UNC5B: variants seen among roughly 807,000 people sequenced by gnomAD.
The protein encoded by UNC5B is netrin receptor UNC5B.
Under a neutral mutation model 103.7 loss-of-function variants are expected in UNC5B, and 56 were observed. That is an observed-to-expected ratio of 0.54 (90% CI 0.44 to 0.67). The LOEUF is 0.67. Ranked by LOEUF, UNC5B falls within the 30% of genes least tolerant of loss-of-function variation. UNC5B has a pLI of 0.00. For synonymous variants in UNC5B, 577 were observed against 542.0 expected (o/e 1.06, Z -0.90); for missense variants, 1,194 against 1,284.5 (o/e 0.93, Z 1.08).
chr10:71,252,667 A>C (rs937965606), intron 1 of UNC5B, among the ~76,000 whole-genome samples: 16 of 152,282 alleles, frequency 1.1e-4, no homozygotes, highest in Non-Finnish European at 1.9e-4. Context: ...CATTTCTCCC[A>C]TCTTATTGTG....
chr10:71,253,981 A>G (rs898617664), intron 1 of UNC5B, among the ~76,000 whole-genome samples: 4 of 152,122 alleles, frequency 2.6e-5, no homozygotes, highest in Non-Finnish European at 5.9e-5. Flanking sequence ...ACCTTTAGCC[A>G]GGTCCACGCT....
intron 1 of UNC5B, among the ~76,000 whole-genome samples, chr10:71,224,883 G>A (rs1843529368): frequency 6.6e-6 from 1 of 152,184 alleles, no homozygotes; most frequent in Non-Finnish European, 1.5e-5. Flanking sequence ...TAGACATAAG[G>A]TACAGTAGGG....
rs765100068 is a variant in UNC5B, at chr10:71,296,654, T to C, written c.2402T>C (p.Leu801Ser). The part of the protein sequence containing the change: ...HCTFTLERHS[L>S]ASTELTCKIC... ...ACTTTCACCCTGGAGAGGCACAGCT[T>C]GGCCTCCACAGAGCTCACCTGCAAG... The change falls in exon 15 of 17, where the codon TTG becomes TCG. Residue 801 changes from leucine to serine, a missense_variant. Coordinates refer to ENST00000335350, the MANE Select transcript of UNC5B (RefSeq NM_170744.5). The C allele has an allele frequency of 3.3e-5, 54 of 1,613,948 alleles. No individual in the cohort carries two copies. In the Admixed American group the frequency reaches 9.0e-4, roughly 27 times the overall value.
chr10:71,245,047 C>T (rs1161954491), intron 1 of UNC5B, among the ~76,000 whole-genome samples: 1 of 152,244 alleles, frequency 6.6e-6, no homozygotes, highest in African/African-American at 2.4e-5. Flanking sequence ...CTCGTTCCCA[C>T]GAGGAATCAG....
chr10:71,264,508 G>A (rs985189037), intron 1 of UNC5B, among the ~76,000 whole-genome samples: 3 of 152,334 alleles, frequency 2.0e-5, no homozygotes, highest in Middle Eastern at 3.4e-3. Context: ...CTCAGATAGC[G>A]AAAGCCTGGC....
At chr10:71,247,443 G>A (rs1048746590) in intron 1 of UNC5B, among the ~76,000 whole-genome samples, 20 of 152,216 alleles carry the variant, frequency 1.3e-4, no homozygotes, top group African/African-American at 3.9e-4. Context: ...GCTAACATGC[G>A]GAGAGGAGAG....
intron 1 of UNC5B, among the ~76,000 whole-genome samples, chr10:71,242,208 GC>G (rs1444189066): frequency 1.3e-5 from 2 of 152,084 alleles, no homozygotes; most frequent in East Asian, 3.9e-4. Context: ...GTCGGCCGTG[GC>G]CCAGACCCTG....
At chr10:71,272,445 C>T (rs1048438775) in intron 1 of UNC5B, among the ~76,000 whole-genome samples, 3 of 152,184 alleles carry the variant, frequency 2.0e-5, no homozygotes, top group Non-Finnish European at 4.4e-5. Flanking sequence ...ACCACAGCAG[C>T]CTCCCTCTGA....
intron 1 of UNC5B, among the ~76,000 whole-genome samples, chr10:71,222,716 T>A (rs1490117807): frequency 6.6e-6 from 1 of 152,192 alleles, no homozygotes; most frequent in Admixed American, 6.5e-5. Context: ...CACCTGGGCC[T>A]GCCCTGACCC....
At chr10:71,265,691 C>G (rs1844507980) in intron 1 of UNC5B, among the ~76,000 whole-genome samples, 1 of 152,204 alleles carries the variant, frequency 6.6e-6, no homozygotes, top group Admixed American at 6.5e-5. Flanking sequence ...GTGCGCTCCT[C>G]TTCCTCCCTA....
Position 71,213,190 on chromosome 10 carries a change from G to T in UNC5B, c.79+126G>T. ...AAAAGCGGCAAGGGCGCCCAAGTTA[G>T]AATGTAGATTTTACTGCCTCCCAAA... On this transcript the variant is annotated intron_variant, in intron 1 of 16. Transcript: ENST00000335350. The surrounding 1 kb of genome is among the most constrained non-coding windows in gnomAD (Gnocchi z 4.1). 1 of 769,410 alleles carries T rather than the reference G, an allele frequency of 1.3e-6. No homozygotes were observed. Among genetic ancestry groups the T allele is most frequent in the South Asian group, 6.4e-5 (1 of 15,612 alleles). 47.7% of individuals were successfully genotyped at this position (769,410 alleles called of 1,614,324 possible).
rs367903856 is a variant in UNC5B, at chr10:71,295,808, C to T, written c.2176-3C>T. 26 of 1,611,744 alleles carry T rather than the reference C, an allele frequency of 1.6e-5. No individual in the cohort carries two copies. Among genetic ancestry groups the T allele is most frequent in the East Asian group, 1.6e-4 (7 of 44,844 alleles). On this transcript the variant is annotated splice_polypyrimidine_tract_variant and splice_region_variant and intron_variant, in intron 13 of 16. Coordinates refer to ENST00000335350, the MANE Select transcript of UNC5B (RefSeq NM_170744.5). ...TCCCCTTCCCCATGCCCCTGGCCCA[C>T]AGGAGGTGCTGGAGCTGGAGCGGAC...
intron 1 of UNC5B, among the ~76,000 whole-genome samples, chr10:71,222,731 G>A (rs561987824): frequency 9.9e-4 from 151 of 152,328 alleles, no homozygotes; most frequent in African/African-American, 3.5e-3. Context: ...TGACCCAGGA[G>A]GCATCCCCAG....
Position 71,262,403 on chromosome 10 carries a change from T to TG in UNC5B, c.80-17411dup, listed in dbSNP as rs1173832885. On this transcript the variant is annotated intron_variant, in intron 1 of 16. Transcript: ENST00000335350. ...GGGGGATGGGGCAGGGCCAGGATTG[T>TG]GGGGGGGCTGTCCTGGGCTCCTCAT... is the stretch of plus-strand genomic sequence containing the variant. Among the ~76,000 whole-genome samples, 14 of 137,970 alleles carry TG rather than the reference T, an allele frequency of 1.0e-4. No individual in the cohort carries two copies. The South Asian group carries it at 3.0e-3, about 30-fold the overall frequency. The allele number at this position is 137,970 out of a possible 152,430, so 90.5% of individuals were successfully genotyped here.
At chr10:71,288,164 C>T (rs551656390) in intron 6 of UNC5B, among the ~76,000 whole-genome samples, 5 of 152,306 alleles carry the variant, frequency 3.3e-5, no homozygotes, top group African/African-American at 1.2e-4. Context: ...GACAGTCCTC[C>T]TATTCCTCTC....
intron 1 of UNC5B, among the ~76,000 whole-genome samples, chr10:71,243,196 C>T (rs554567274): frequency 1.3e-5 from 2 of 152,190 alleles, no homozygotes; most frequent in Non-Finnish European, 2.9e-5. Flanking sequence ...GATCTCATCA[C>T]GGCACTCCAG....
chr10:71,219,160 A>G (rs189029209), intron 1 of UNC5B, among the ~76,000 whole-genome samples: 2 of 152,268 alleles, frequency 1.3e-5, no homozygotes, highest in East Asian at 3.9e-4. Flanking sequence ...TTATATGTGC[A>G]GTCTCACTTT....
chr10:71,245,925 CT>C (rs1273282211), intron 1 of UNC5B, among the ~76,000 whole-genome samples: 1 of 152,238 alleles, frequency 6.6e-6, no homozygotes, highest in Non-Finnish European at 1.5e-5. Context: ...CTGTGACTTA[CT>C]GGTGATACAC....
intron 1 of UNC5B, among the ~76,000 whole-genome samples, chr10:71,235,350 C>A (rs922634844): frequency 1.3e-5 from 2 of 152,226 alleles, no homozygotes; most frequent in South Asian, 2.1e-4. Context: ...TGCTGAGCCC[C>A]CACTGTAGCC....
Sources: gnomAD v4.1 joint callset for allele counts (sites outside exome capture counted in the v4.1 genomes callset) on GRCh38, gnomAD v4.1.1 for gene constraint, Gnocchi (gnomAD v3.1) non-coding constraint, MANE v1.5 for transcripts, NCBI Gene and HGNC (gene_info 2026-07-23, HGNC 2026-07-21) for gene names.